LINS1: variants seen among roughly 807,000 people sequenced by gnomAD.
LINS1 encodes lines homolog 1.
In LINS1, 27 loss-of-function variants were observed where a neutral mutation model predicts 41.6. The observed-to-expected ratio is 0.65, with a 90% confidence interval of 0.48 to 0.89. The LOEUF (loss-of-function observed/expected upper bound fraction) is 0.89. Among genes scored for constraint, LINS1 ranks in the 40% least tolerant of loss-of-function variants. The pLI is 0.00. For missense variants in LINS1, 955 were observed against 884.1 expected (o/e 1.08, Z -1.02); for synonymous variants, 336 against 312.9 (o/e 1.07, Z -0.78).
chr15:100,589,561 T>G (rs899453816), intron 1 of LINS1, among the ~76,000 whole-genome samples: 43 of 152,238 alleles, frequency 2.8e-4, no homozygotes, highest in African/African-American at 1.0e-3. Flanking sequence ...ACCTTGTCCT[T>G]TCTGAGTCCT....
chr15:100,571,343 T>C (rs1037065997), intron 6 of LINS1, among the ~76,000 whole-genome samples: 1 of 152,206 alleles, frequency 6.6e-6, no homozygotes, highest in South Asian at 2.1e-4. Context: ...TATAGATATT[T>C]GCCACAAGAA....
intron 1 of LINS1, among the ~76,000 whole-genome samples, chr15:100,600,876 T>C (rs1197562136): frequency 4.6e-5 from 7 of 152,250 alleles, no homozygotes; most frequent in African/African-American, 1.7e-4. Flanking sequence ...ACCAATCCAC[T>C]TTCCTTAGGA....
Position 100,569,351 on chromosome 15 carries a change from C to G in LINS1, c.2161G>C (p.Asp721His). Residue 721 changes from aspartate (D) to histidine (H), a missense_variant, in exon 7 of 7, where the codon GAT becomes CAT. By Grantham distance (81) the Asp-to-His change is moderately conservative. Coordinates refer to ENST00000314742, the MANE Select transcript of LINS1 (RefSeq NM_001040616.3). ...TTCTTTTGCAAACGGCAGATGGCAT[C>G]TTGTAGTTCCTGGAAGCATTTTACT... ...RIVKCFQELQ[D>H]AICRLQKKNL... The G allele has an allele frequency of 1.2e-6, 2 of 1,614,130 alleles. No individual in the cohort carries two copies. The highest frequency in any genetic ancestry group is 1.1e-5 in the South Asian group (1 of 91,076).
chr15:100,567,043 G>A lies in LINS1; in HGVS notation c.*2195C>T, dbSNP rs1318644068. The stretch of plus-strand genomic sequence containing the variant: ...ATGACAGGGACATGTTCTGAGAAAT[G>A]AGCTGTAAGGCAATTTTGTTGTCAT... On this transcript the variant is annotated 3_prime_UTR_variant, in exon 7 of 7. Transcript: ENST00000314742. 6.7e-6 allele frequency: 1 copy of A among 149,928 alleles called. No individual in the cohort carries two copies. Among genetic ancestry groups the A allele is most frequent in the Non-Finnish European group, 1.5e-5 (1 of 67,496 alleles). 9.3% of individuals were successfully genotyped at this position (149,928 alleles called of 1,614,324 possible). A position where few individuals can be genotyped will look rare whatever the true frequency, so the allele number is the denominator to read the frequency against.
Position 100,569,467 on chromosome 15 carries a change from A to G in LINS1, c.2045T>C (p.Leu682Pro), listed in dbSNP as rs780299917. The change falls in exon 7 of 7, where the codon CTG (leucine) becomes CCG (proline). Residue 682 changes from leucine (L) to proline (P), a missense_variant. By Grantham distance (98) the Leu-to-Pro change is moderately conservative. Coordinates refer to ENST00000314742, the MANE Select transcript of LINS1 (RefSeq NM_001040616.3). ...EFSLEPPSRP[L>P]VLKEFDTAFS... ...GGCAGTATCAAATTCTTTCAGAACC[A>G]GAGGCCTTGATGGAGGCTCAAGGCT... 5 of 1,614,192 alleles carry G rather than the reference A, an allele frequency of 3.1e-6. No homozygotes were observed. Among genetic ancestry groups the G allele is most frequent in the Non-Finnish European group, 3.4e-6 (4 of 1,180,018 alleles).
intron 1 of LINS1, among the ~76,000 whole-genome samples, chr15:100,591,815 T>C (rs2039051466): frequency 6.6e-6 from 1 of 152,132 alleles, no homozygotes; most frequent in Non-Finnish European, 1.5e-5. Context: ...GAGAGTTCCA[T>C]GATTCCCAAT....
rs2037595139 is a variant in LINS1, at chr15:100,567,276, GGCTTGATA to G, written c.*1954_*1961del. On this transcript the variant is annotated 3_prime_UTR_variant, in exon 7 of 7. Coordinates refer to ENST00000314742, the MANE Select transcript of LINS1 (RefSeq NM_001040616.3). The stretch of plus-strand genomic sequence containing the variant: ...ATAGGACAGTCACAGTAAAAATAAC[GGCTTGATA>G]GTCTTATGGGACCACTGTACTATGT... 6.6e-6 allele frequency: 1 copy of G among 152,140 alleles called. No homozygotes were observed. The highest frequency in any genetic ancestry group is 1.5e-5 in the Non-Finnish European group (1 of 68,034). The allele number at this position is 152,140 out of a possible 1,614,324, so 9.4% of individuals were successfully genotyped here.
intron 5 of LINS1, 49 bp downstream of exon 5, chr15:100,573,602 C>G: frequency 1.8e-6 from 2 of 1,133,918 alleles, no homozygotes; most frequent in Non-Finnish European, 2.6e-6. Context: ...AATTACTGTA[C>G]TTAAGTAAAT....
chr15:100,598,536 C>G (rs2039342009), intron 1 of LINS1, among the ~76,000 whole-genome samples: 1 of 152,176 alleles, frequency 6.6e-6, no homozygotes, highest in Admixed American at 6.5e-5. Context: ...CACTGAAGCA[C>G]CATCTTAAAA....
intron 1 of LINS1, among the ~76,000 whole-genome samples, chr15:100,582,724 G>T (rs926081621): frequency 1.4e-5 from 2 of 147,594 alleles, no homozygotes; most frequent in African/African-American, 5.1e-5. Flanking sequence ...GCCTAGTCTT[G>T]GTCTTATACT....
At position 100,573,924 on chromosome 15, in the gene LINS1, G is replaced by C. The variant is rs756412535; in HGVS notation, c.949C>G (p.Arg317Gly). 2.5e-6 allele frequency: 4 copies of C among 1,614,210 alleles called. No individual in the cohort carries two copies. Among genetic ancestry groups the C allele is most frequent in the East Asian group, 2.2e-5 (1 of 44,884 alleles). ...GGCATTAAGGCAGGCACAGATCCAC[G>C]ACAGAGGTCTTCACCCACTTTACAG... is the stretch of plus-strand genomic sequence containing the variant. ...LLCKVGEDLC[R>G]GSVPALMPPD... The change falls in exon 5 of 7, where the codon CGT becomes GGT. Residue 317 changes from arginine to glycine, a missense_variant. Coordinates refer to ENST00000314742, the MANE Select transcript of LINS1 (RefSeq NM_001040616.3).
At chr15:100,583,269 C>A (rs139900843) in intron 1 of LINS1, among the ~76,000 whole-genome samples, 2,372 of 152,224 alleles carry the variant, frequency 0.016, 36 homozygotes, top group Non-Finnish European at 0.022. Context: ...TATACTGGGT[C>A]TTCCGTCTAC....
intron 1 of LINS1, among the ~76,000 whole-genome samples, chr15:100,582,917 G>T (rs1436790072): frequency 6.8e-6 from 1 of 146,634 alleles, no homozygotes; most frequent in Admixed American, 6.8e-5. Context: ...CTTATACTGG[G>T]TCTTCCATCT....
intron 6 of LINS1, among the ~76,000 whole-genome samples, chr15:100,571,054 T>C (rs2037796935): frequency 6.6e-6 from 1 of 152,316 alleles, no homozygotes; most frequent in East Asian, 1.9e-4. Flanking sequence ...TTTGACCATT[T>C]TGAACCTAAT....
intron 1 of LINS1, among the ~76,000 whole-genome samples, chr15:100,588,542 T>C (rs1362607349): frequency 6.6e-6 from 1 of 152,226 alleles, no homozygotes. Flanking sequence ...AATAAAAATA[T>C]CTTCACAAAT....
intron 1 of LINS1, among the ~76,000 whole-genome samples, chr15:100,600,551 C>CAAAAAGAAA: frequency 1.3e-5 from 1 of 79,674 alleles, no homozygotes; most frequent in East Asian, 3.4e-4. Flanking sequence ...TGCTGTTAAG[C>CAAAAAGAAA]AAAAAAAAAA....
chr15:100,597,066 C>T (rs188272522), intron 1 of LINS1: 1 of 152,330 alleles, frequency 6.6e-6, no homozygotes, highest in East Asian at 1.9e-4. Flanking sequence ...GCCCTGACCA[C>T]ATTACACGCC....
intron 1 of LINS1, among the ~76,000 whole-genome samples, chr15:100,595,745 A>G (rs2039217197): frequency 6.6e-6 from 1 of 152,224 alleles, no homozygotes; most frequent in South Asian, 2.1e-4. Flanking sequence ...GGGAAAGTCA[A>G]TAGTAGGCCT....
intron 5 of LINS1, 107 bp from the exon 6 acceptor site, chr15:100,572,172 C>A: frequency 2.0e-6 from 3 of 1,533,766 alleles, no homozygotes; most frequent in Non-Finnish European, 2.6e-6. Flanking sequence ...ATGCAATTAT[C>A]CTAATTCACT....
Sources: gnomAD v4.1 joint callset for allele counts (sites outside exome capture counted in the v4.1 genomes callset) on GRCh38, gnomAD v4.1.1 for gene constraint, MANE v1.5 for transcripts, NCBI Gene and HGNC (gene_info 2026-07-23, HGNC 2026-07-21) for gene names.